C1orf94: variants seen among roughly 807,000 people sequenced by gnomAD.
The protein encoded by C1orf94 is uncharacterized protein C1orf94.
A neutral mutation model predicts 53.6 loss-of-function variants in C1orf94; 45 were observed. That is an observed-to-expected ratio of 0.84 (90% CI 0.66 to 1.08). The LOEUF is 1.08. Among genes scored for constraint, C1orf94 ranks in the 50% least tolerant of loss-of-function variants. The probability of loss-of-function intolerance (pLI) is 0.00; values close to 1 mark genes in which losing one functional copy is unlikely to be tolerated. For missense variants in C1orf94, 762 were observed against 738.9 expected (o/e 1.03, Z -0.36); for synonymous variants, 304 against 296.1 (o/e 1.03, Z -0.27).
At position 34,200,942 on chromosome 1, in the gene C1orf94, T is replaced by C. The variant is rs781502570; in HGVS notation, c.1180T>C (p.Leu394=). The C allele has an allele frequency of 6.2e-7, 1 of 1,613,964 alleles. No individual in the cohort carries two copies. Among genetic ancestry groups the C allele is most frequent in the Admixed American group, 1.7e-5 (1 of 59,998 alleles). The change falls in exon 3 of 7, where the codon TTG becomes CTG. Residue 394 remains leucine, a synonymous_variant. Coordinates refer to ENST00000488417, the MANE Select transcript of C1orf94 (RefSeq NM_001134734.2). ...KKPTCPAEKN[L]LYEFLGATKN... is the part of the protein sequence containing the mutation. ...ACCTACATGTCCAGCCGAGAAGAACTTGCTCTATGAGTTCCTTGGGGCCAC... is the reference window on the plus strand; with the variant it reads ...ACCTACATGTCCAGCCGAGAAGAACCTGCTCTATGAGTTCCTTGGGGCCAC...
rs900345456 is a variant in C1orf94, at chr1:34,218,949, C to T, written c.*188C>T. The T allele has an allele frequency of 7.4e-6, 3 of 404,030 alleles. No homozygotes were observed. The highest frequency in any genetic ancestry group is 1.3e-5 in the Non-Finnish European group (3 of 228,830). The allele number at this position is 404,030 out of a possible 1,614,324, so 25.0% of individuals were successfully genotyped here. A position where few individuals can be genotyped will look rare whatever the true frequency, so the allele number is the denominator to read the frequency against. On this transcript the variant is annotated 3_prime_UTR_variant, in exon 7 of 7. Transcript: ENST00000488417. The stretch of plus-strand genomic sequence containing the variant: ...CAAAAATAGCCCTCCTCACACATGG[C>T]ACAAGCTACACACACACACACACAC...
At chr1:34,180,997 A>C (rs297783) in intron 1 of C1orf94, among the ~76,000 whole-genome samples, 84,931 of 151,832 alleles carry the variant, frequency 0.56, 24,184 homozygotes, top group South Asian at 0.7. Flanking sequence ...GGTACAGTTT[A>C]TCAGATGGGG....
At chr1:34,167,963 T>C (rs117865363) in intron 1 of C1orf94, among the ~76,000 whole-genome samples, 1 of 152,302 alleles carries the variant, frequency 6.6e-6, no homozygotes, top group East Asian at 1.9e-4. Context: ...AGACAATGAA[T>C]ATACACCTAG....
At position 34,208,130 on chromosome 1, in the gene C1orf94, C is replaced by A. The variant is rs756432508; in HGVS notation, c.1447-27C>A. ...TTCTGGCAGGAAACCCCTTGCCTGG[C>A]CATACTGAGCCTCTGTTTCTCCCCA... On this transcript the variant is annotated intron_variant, in intron 4 of 6. Transcript: ENST00000488417. The A allele has an allele frequency of 3.1e-6, 5 of 1,611,506 alleles. No homozygotes were observed. The African/African-American group carries it at 4.0e-5, about 13-fold the overall frequency.
upstream of C1orf94, among the ~76,000 whole-genome samples, chr1:34,176,645 A>G (rs1310568141): frequency 1.3e-5 from 2 of 151,750 alleles, no homozygotes; most frequent in African/African-American, 4.8e-5. Context: ...AAAAAGTGGT[A>G]CTAATTTCAC....
chr1:34,176,119 A>G (rs1360929097), upstream of C1orf94, among the ~76,000 whole-genome samples: 2 of 151,992 alleles, frequency 1.3e-5, no homozygotes, highest in Non-Finnish European at 2.9e-5. Context: ...TCGGGCACAG[A>G]GGAGGGGTTG....
At chr1:34,214,492 T>C (rs7535960) in intron 6 of C1orf94, among the ~76,000 whole-genome samples, 2,953 of 152,158 alleles carry the variant, frequency 0.019, 100 homozygotes, top group African/African-American at 0.067. Context: ...TGGGACAGAT[T>C]ATCATCCCCT....
At position 34,197,964 on chromosome 1, in the gene C1orf94, T is replaced by C. The variant is rs376642572; in HGVS notation, c.1009+51T>C. The C allele has an allele frequency of 5.3e-5, 80 of 1,520,600 alleles. No individual in the cohort carries two copies. In the African/African-American group the frequency reaches 1.0e-3, roughly 20 times the overall value. 94.2% of individuals were successfully genotyped at this position (1,520,600 alleles called of 1,614,324 possible). A position where few individuals can be genotyped will look rare whatever the true frequency, so the allele number is the denominator to read the frequency against. On this transcript the variant is annotated intron_variant, in intron 2 of 6. Transcript: ENST00000488417. The surrounding 1 kb of genome is among the most constrained non-coding windows in gnomAD (Gnocchi z 4.1). ...AGTGGGCCTGCAAGGAGGAGGTCCT[T>C]CCCAGGAAGCCAATCAGGGCTGCAG...
At chr1:34,188,369 A>G (rs1240088623) in intron 1 of C1orf94, among the ~76,000 whole-genome samples, 1 of 152,190 alleles carries the variant, frequency 6.6e-6, no homozygotes, top group African/African-American at 2.4e-5. Flanking sequence ...AAAAATTTGA[A>G]TCTACTATGT....
chr1:34,205,599 ACT>A (rs1642779464), intron 4 of C1orf94, among the ~76,000 whole-genome samples: 1 of 152,044 alleles, frequency 6.6e-6, no homozygotes, highest in African/African-American at 2.4e-5. Context: ...AAGGGTAAAG[ACT>A]CTGTAAAATT....
chr1:34,215,358 C>T (rs1179903756), intron 6 of C1orf94, among the ~76,000 whole-genome samples: 1 of 152,200 alleles, frequency 6.6e-6, no homozygotes, highest in Non-Finnish European at 1.5e-5. Flanking sequence ...GGCTAGAAGT[C>T]TTGTTTCAGG....
At chr1:34,175,172 G>A (rs1022376464), upstream of C1orf94, among the ~76,000 whole-genome samples, 1 of 148,170 alleles carries the variant, frequency 6.7e-6, no homozygotes, top group Non-Finnish European at 1.5e-5. Context: ...TCTTTGTTCC[G>A]TATCCCTGCT....
intron 3 of C1orf94, 143 bp downstream of exon 3, chr1:34,201,175 C>A (rs190853368): frequency 1.7e-6 from 2 of 1,208,226 alleles, no homozygotes. Context: ...AAAATGGGGG[C>A]AATGACTTTC....
Position 34,177,702 on chromosome 1 carries a change from C to T in C1orf94, c.-88C>T. 7.8e-7 allele frequency: 1 copy of T among 1,274,688 alleles called. No homozygotes were observed. Among genetic ancestry groups the T allele is most frequent in the Non-Finnish European group, 1.1e-6 (1 of 939,338 alleles). The allele number at this position is 1,274,688 out of a possible 1,614,324, so 79.0% of individuals were successfully genotyped here. On this transcript the variant is annotated 5_prime_UTR_variant, in exon 1 of 7. Coordinates refer to ENST00000488417, the MANE Select transcript of C1orf94 (RefSeq NM_001134734.2). The stretch of plus-strand genomic sequence containing the variant: ...CACCCCTCCCACACAAATAGAAGGC[C>T]TCTGAACCTAACCACCTTGCTGGAG...
At chr1:34,187,338 G>A (rs1305467358) in intron 1 of C1orf94, among the ~76,000 whole-genome samples, 2 of 152,076 alleles carry the variant, frequency 1.3e-5, no homozygotes, top group African/African-American at 2.4e-5. Context: ...AGTTCTACCC[G>A]GAACCATGGG....
intron 1 of C1orf94, among the ~76,000 whole-genome samples, chr1:34,183,775 G>A (rs550070356): frequency 2.6e-4 from 40 of 151,546 alleles, no homozygotes; most frequent in African/African-American, 9.0e-4. Context: ...AGAATTGATT[G>A]AACCCAGGAG....
intron 2 of C1orf94, among the ~76,000 whole-genome samples, chr1:34,199,843 TG>T (rs1217919744): frequency 2.0e-5 from 3 of 152,220 alleles, no homozygotes; most frequent in Non-Finnish European, 4.4e-5. Context: ...TCCAGGCCTT[TG>T]CCCACAGTTA....
intron 5 of C1orf94, 80 bp from the exon 6 acceptor site, chr1:34,212,130 T>C: frequency 7.5e-7 from 1 of 1,327,370 alleles, no homozygotes; most frequent in Non-Finnish European, 1.0e-6. Flanking sequence ...GCACAGGGGC[T>C]GAGACTGGGG....
At chr1:34,216,654 T>C (rs146117255) in intron 6 of C1orf94, among the ~76,000 whole-genome samples, 2 of 152,290 alleles carry the variant, frequency 1.3e-5, no homozygotes, top group Non-Finnish European at 2.9e-5. Context: ...GAGGCTTCCA[T>C]GTCCTCAGGG....
Sources: gnomAD v4.1 joint callset for allele counts (sites outside exome capture counted in the v4.1 genomes callset) on GRCh38, gnomAD v4.1.1 for gene constraint, Gnocchi (gnomAD v3.1) non-coding constraint, MANE v1.5 for transcripts, NCBI Gene and HGNC (gene_info 2026-07-23, HGNC 2026-07-21) for gene names.